Variants in TTC7B observed in about 807,000 individuals in gnomAD.
TTC7B encodes tetratricopeptide repeat domain 7B.
In TTC7B, 28 loss-of-function variants were observed where a neutral mutation model predicts 106.8. The observed-to-expected ratio is 0.26, with a 90% CI of 0.19 to 0.36. TTC7B has a LOEUF of 0.36. Ranked by LOEUF, TTC7B falls within the 10% of genes least tolerant of loss-of-function variation. TTC7B has a pLI of 1.00. For missense variants in TTC7B, 862 were observed against 1,076.4 expected (o/e 0.80, Z 2.79); for synonymous variants, 405 against 430.6 (o/e 0.94, Z 0.74).
At chr14:90,689,064 C>T (rs1258733171) in intron 7 of TTC7B, among the ~76,000 whole-genome samples, 2 of 152,196 alleles carry the variant, frequency 1.3e-5, no homozygotes, top group Non-Finnish European at 2.9e-5. Flanking sequence ...TCTAAAGACA[C>T]ATCACCTTCC....
intron 3 of TTC7B, among the ~76,000 whole-genome samples, chr14:90,766,263 A>G (rs1595359264): frequency 6.9e-6 from 1 of 145,178 alleles, no homozygotes; most frequent in Non-Finnish European, 1.5e-5. Context: ...ATCAGAAGGC[A>G]CACACACAAA....
At chr14:90,601,733 C>T (rs1892432527) in intron 17 of TTC7B, among the ~76,000 whole-genome samples, 2 of 152,334 alleles carry the variant, frequency 1.3e-5, no homozygotes, top group Middle Eastern at 3.4e-3. Flanking sequence ...GCTCAGCCAC[C>T]TCCACTCTTC....
At chr14:90,746,948 AAGGAAGGACTGG>A (rs1256450256) in intron 3 of TTC7B, among the ~76,000 whole-genome samples, 3 of 152,218 alleles carry the variant, frequency 2.0e-5, no homozygotes, top group African/African-American at 7.2e-5. Context: ...GTACATTCCA[AAGGAAGGACTGG>A]CCCTTACCAG....
At chr14:90,588,114 C>T (rs1891797123) in intron 18 of TTC7B, among the ~76,000 whole-genome samples, 1 of 152,198 alleles carries the variant, frequency 6.6e-6, no homozygotes, top group South Asian at 2.1e-4. Flanking sequence ...CACACACCAC[C>T]TGTCTGGGAA....
chr14:90,689,285 A>G (rs1301364246), intron 7 of TTC7B, among the ~76,000 whole-genome samples: 1 of 152,240 alleles, frequency 6.6e-6, no homozygotes, highest in Non-Finnish European at 1.5e-5. Flanking sequence ...CCAAAAGCCA[A>G]TAGTGATGGC....
intron 5 of TTC7B, among the ~76,000 whole-genome samples, chr14:90,701,507 C>CCTTACCTGA (rs1447858591): frequency 6.6e-6 from 1 of 151,914 alleles, no homozygotes; most frequent in African/African-American, 2.4e-5. Flanking sequence ...TGAAAAGTGG[C>CCTTACCTGA]CAGACTGCTC....
rs959522312 is a variant in TTC7B, at chr14:90,807,308, C to T, written c.121+8867G>A. Among the ~76,000 whole-genome samples, 5 of 152,276 alleles carry T rather than the reference C, an allele frequency of 3.3e-5. No individual in the cohort carries two copies. Among genetic ancestry groups the T allele is most frequent in the Middle Eastern group, 6.8e-3 (2 of 294 alleles). ...GCACCCTCTGTGCTTGTAAGCAATG[C>T]TGTCATTGCTGTCCTCAGGCTACAG... On this transcript the variant is annotated intron_variant, in intron 1 of 19. Coordinates refer to ENST00000328459, the MANE Select transcript of TTC7B (RefSeq NM_001010854.2). The surrounding 1 kb of genome is among the most constrained non-coding windows in gnomAD (Gnocchi z 4.1).
In TTC7B at chr14:90,744,780, G is replaced by T; in HGVS notation, c.576+12C>A. On this transcript the variant is annotated intron_variant, in intron 4 of 19. Transcript: ENST00000328459. The stretch of plus-strand genomic sequence containing the variant: ...AAAAGTTATCAGGAACAAACACGTG[G>T]TCCTCACTTACCCTTTCTATCTCTT... 2 of 1,609,252 alleles carry T rather than the reference G, an allele frequency of 1.2e-6. No individual in the cohort carries two copies. Among genetic ancestry groups the T allele is most frequent in the Non-Finnish European group, 1.7e-6 (2 of 1,178,754 alleles).
rs867252740 is a variant in TTC7B at position 90,531,965 on chromosome 14, T to C, written c.*9403A>G. ...AAGAGGCTGAGGGGACCAGATCACT[T>C]GAGACCAGGAGTTGGAGATCAGCCT... On this transcript the variant is annotated 3_prime_UTR_variant, in exon 20 of 20. Transcript: ENST00000328459. The C allele has an allele frequency of 7.1e-4, 108 of 152,338 alleles. No individual in the cohort carries two copies. The highest frequency in any genetic ancestry group is 2.6e-3 in the African/African-American group (106 of 41,556). 9.4% of individuals were successfully genotyped at this position (152,338 alleles called of 1,614,324 possible). A position where few individuals can be genotyped will look rare whatever the true frequency, so the allele number is the denominator to read the frequency against.
At chr14:90,546,882 C>A (rs530924921) in intron 19 of TTC7B, among the ~76,000 whole-genome samples, 25 of 152,372 alleles carry the variant, frequency 1.6e-4, no homozygotes, top group African/African-American at 5.3e-4. Flanking sequence ...TCCTCTCTCA[C>A]CTCCAGGAGC....
At chr14:90,550,166 A>T (rs1327463674) in intron 19 of TTC7B, among the ~76,000 whole-genome samples, 1 of 152,040 alleles carries the variant, frequency 6.6e-6, no homozygotes, top group Non-Finnish European at 1.5e-5. Flanking sequence ...CCCAGACCCT[A>T]ACTGAGCTCC....
chr14:90,676,041 G>A (rs1004345984), intron 9 of TTC7B: 5 of 152,460 alleles, frequency 3.3e-5, no homozygotes, highest in Admixed American at 6.5e-5. Flanking sequence ...TGAAATCCAC[G>A]AGGGTCCCTT....
intron 19 of TTC7B, among the ~76,000 whole-genome samples, chr14:90,572,328 TAGTC>T (rs1285649755): frequency 6.6e-6 from 1 of 151,276 alleles, no homozygotes; most frequent in Non-Finnish European, 1.5e-5. Flanking sequence ...GCAGTGTCGT[TAGTC>T]AGCCTTTGGA....
chr14:90,552,642 G>A (rs1231697997), intron 19 of TTC7B, among the ~76,000 whole-genome samples: 1 of 152,210 alleles, frequency 6.6e-6, no homozygotes, highest in Non-Finnish European at 1.5e-5. Context: ...GGCAGTGCAG[G>A]AGGAGGGAAG....
At chr14:90,789,828 G>A (rs1891519950) in intron 1 of TTC7B, among the ~76,000 whole-genome samples, 1 of 151,704 alleles carries the variant, frequency 6.6e-6, no homozygotes, top group African/African-American at 2.4e-5. Context: ...CCTGGGGGGT[G>A]GAGCTTGCAG....
chr14:90,643,233 C>T (rs1045419098), intron 15 of TTC7B, among the ~76,000 whole-genome samples: 3 of 151,872 alleles, frequency 2.0e-5, no homozygotes, highest in African/African-American at 7.3e-5. Context: ...ATGGTGAAAC[C>T]CCGTCTCTAC....
chr14:90,574,842 G>T (rs962261227), intron 19 of TTC7B, among the ~76,000 whole-genome samples: 5 of 152,154 alleles, frequency 3.3e-5, no homozygotes, highest in Admixed American at 6.5e-5. Flanking sequence ...GAGCATCAGG[G>T]CTGCTGCAAG....
intron 7 of TTC7B, among the ~76,000 whole-genome samples, chr14:90,688,598 G>GGCGTGCAGTGCAGTGCA (rs1887338953): frequency 7.5e-6 from 1 of 133,844 alleles, no homozygotes; most frequent in African/African-American, 2.9e-5. Flanking sequence ...ACTCCAGCCT[G>GGCGTGCAGTGCAGTGCA]GTGACAGAGA....
At chr14:90,733,034 A>G (rs928804680) in intron 4 of TTC7B, among the ~76,000 whole-genome samples, 26 of 152,256 alleles carry the variant, frequency 1.7e-4, no homozygotes, top group African/African-American at 5.8e-4. Flanking sequence ...CAAATTCCAC[A>G]AAGTCAGAGG....
Sources: gnomAD v4.1 joint callset for allele counts (sites outside exome capture counted in the v4.1 genomes callset) on GRCh38, gnomAD v4.1.1 for gene constraint, Gnocchi (gnomAD v3.1) non-coding constraint, MANE v1.5 for transcripts, NCBI Gene and HGNC (gene_info 2026-07-23, HGNC 2026-07-21) for gene names.